The following KANK1 variants were observed in gnomAD, a reference collection of about 807,000 sequenced individuals.
KANK1 encodes KN motif and ankyrin repeat domain-containing protein 1.
KANK1 carries 109 observed loss-of-function variants against 106.2 expected under a neutral mutation model. The observed-to-expected ratio is 1.03, with a 90% CI of 0.88 to 1.20. The LOEUF is 1.20. KANK1 is among the 50% of genes most tolerant of loss of function. KANK1 has a pLI of 0.00. For missense variants in KANK1, 2,399 were observed against 1,710.7 expected (o/e 1.40, Z -7.10); for synonymous variants, 873 against 652.2 (o/e 1.34, Z -5.16).
intron 1 of KANK1, among the ~76,000 whole-genome samples, chr9:546,079 G>C (rs986240473): frequency 6.6e-6 from 1 of 152,130 alleles, no homozygotes; most frequent in African/African-American, 2.4e-5. Context: ...TAGAAAATGT[G>C]TGCCTTTCTG....
At chr9:625,750 T>C (rs573316463) in intron 1 of KANK1, among the ~76,000 whole-genome samples, 1 of 152,322 alleles carries the variant, frequency 6.6e-6, no homozygotes, top group South Asian at 2.1e-4. Context: ...TTGAGTCTCC[T>C]TGATCAAACA....
intron 8 of KANK1, 68 bp from the exon 9 acceptor site, chr9:740,723 TG>T: frequency 6.5e-7 from 1 of 1,532,514 alleles, no homozygotes; most frequent in Non-Finnish European, 8.8e-7. Flanking sequence ...ATCCCTTCAG[TG>T]GCTTCGTAAG....
chr9:648,911 G>A (rs1013302641), intron 1 of KANK1, among the ~76,000 whole-genome samples: 9 of 152,166 alleles, frequency 5.9e-5, no homozygotes, highest in African/African-American at 1.2e-4. Flanking sequence ...GGAAAACAAT[G>A]TACTTGCATG....
At chr9:554,253 G>GT (rs1563760208) in intron 1 of KANK1, among the ~76,000 whole-genome samples, 2 of 152,158 alleles carry the variant, frequency 1.3e-5, no homozygotes, top group Admixed American at 1.3e-4. Flanking sequence ...AGCACCTGGC[G>GT]TAAGTTTCCA....
intron 2 of KANK1, chr9:707,040 C>CG: frequency 1.0e-6 from 1 of 985,424 alleles, no homozygotes; most frequent in South Asian, 4.7e-5. Flanking sequence ...CTGAGTGCGG[C>CG]GGGGGTGGTG....
chr9:578,645 A>C (rs533114205), intron 1 of KANK1, among the ~76,000 whole-genome samples: 26 of 152,320 alleles, frequency 1.7e-4, no homozygotes, highest in Middle Eastern at 6.8e-3. Flanking sequence ...TTAAAGCATC[A>C]GTGCAAGTTT....
At position 732,635 on chromosome 9, in the gene KANK1, T is replaced by TCCCTCCCTTGC. The variant is rs760961351; in HGVS notation, c.3245+26_3245+36dup. The TCCCTCCCTTGC allele has an allele frequency of 1.9e-6, 3 of 1,608,418 alleles. No homozygotes were observed. Among genetic ancestry groups the TCCCTCCCTTGC allele is most frequent in the Non-Finnish European group, 2.6e-6 (3 of 1,175,712 alleles). ...AGAGAGAGGTGTGGTACATTCCCCT[T>TCCCTCCCTTGC]CCCTCCCTTGCCCCTCCCACATTTA... On this transcript the variant is annotated intron_variant, in intron 6 of 11. Coordinates refer to ENST00000382297, the MANE Select transcript of KANK1 (RefSeq NM_015158.5).
At chr9:596,015 A>T (rs1041388870) in intron 1 of KANK1, among the ~76,000 whole-genome samples, 1 of 151,896 alleles carries the variant, frequency 6.6e-6, no homozygotes, top group African/African-American at 2.4e-5. Flanking sequence ...GATGAGACAC[A>T]AGTCTAAATA....
At chr9:532,618 C>G (rs1466787103) in intron 1 of KANK1, among the ~76,000 whole-genome samples, 1 of 152,078 alleles carries the variant, frequency 6.6e-6, no homozygotes, top group Non-Finnish European at 1.5e-5. Context: ...AGTTGATACT[C>G]AGAAGCTTAA....
chr9:560,260 C>T (rs192092165), intron 1 of KANK1, among the ~76,000 whole-genome samples: 6 of 152,298 alleles, frequency 3.9e-5, no homozygotes, highest in East Asian at 1.9e-4. Context: ...AAAAAAACTA[C>T]ATGTTTCATT....
chr9:650,880 G>A (rs1010335847), intron 1 of KANK1, among the ~76,000 whole-genome samples: 8 of 152,144 alleles, frequency 5.3e-5, no homozygotes, highest in Non-Finnish European at 1.2e-4. Flanking sequence ...GAAGTGGAGG[G>A]AAGGGCTGGA....
intron 1 of KANK1, among the ~76,000 whole-genome samples, chr9:563,952 T>C (rs1012284917): frequency 1.2e-4 from 19 of 152,174 alleles, no homozygotes; most frequent in African/African-American, 4.6e-4. Context: ...CTGTAACACA[T>C]TATGGCCTGT....
chr9:582,381 A>G (rs10123430), intron 1 of KANK1, among the ~76,000 whole-genome samples: 45,584 of 151,884 alleles, frequency 0.3, 7,285 homozygotes, highest in African/African-American at 0.39. Flanking sequence ...AGCATTTTCT[A>G]TAAATCTTCA....
At chr9:531,823 C>T (rs545096106) in intron 1 of KANK1, among the ~76,000 whole-genome samples, 26 of 152,128 alleles carry the variant, frequency 1.7e-4, no homozygotes, top group Non-Finnish European at 2.6e-4. Flanking sequence ...GCCCATATAT[C>T]GGGAAAAAAT....
rs186489746 is a variant in KANK1 at position 525,950 on chromosome 9, T to C, written c.-84+21196T>C. 3.6e-3 allele frequency among the ~76,000 whole-genome samples: 547 copies of C among 151,894 alleles called. 21 individuals are homozygous for C. The highest frequency in any genetic ancestry group is 0.013 in the African/African-American group (526 of 41,172). On this transcript the variant is annotated intron_variant, in intron 1 of 11. Transcript: ENST00000382297. Reference sequence around the variant, plus strand: ...AAATTTCTAAAATAAAGGATCAGTTTGTTTCTGAAATTTGGTTACCTGAAG... The same window carrying C: ...AAATTTCTAAAATAAAGGATCAGTTCGTTTCTGAAATTTGGTTACCTGAAG...
chr9:526,579 A>C (rs1177413666), intron 1 of KANK1, among the ~76,000 whole-genome samples: 1 of 151,798 alleles, frequency 6.6e-6, no homozygotes, highest in Non-Finnish European at 1.5e-5. Flanking sequence ...AAAATTATTT[A>C]AATGAAATTT....
intron 11 of KANK1, chr9:744,889 C>T (rs368415380): frequency 7.8e-6 from 11 of 1,411,676 alleles, no homozygotes; most frequent in East Asian, 5.2e-5. Flanking sequence ...GGGGATATTT[C>T]GCCATGGTTC....
At chr9:531,584 GGGAC>G in intron 1 of KANK1, among the ~76,000 whole-genome samples, 1 of 152,202 alleles carries the variant, frequency 6.6e-6, no homozygotes, top group South Asian at 2.1e-4. Context: ...TTTGATTGTG[GGGAC>G]TCTGTCATTT....
At chr9:555,736 T>C (rs1323515982) in intron 1 of KANK1, among the ~76,000 whole-genome samples, 2 of 152,234 alleles carry the variant, frequency 1.3e-5, no homozygotes, top group Admixed American at 6.5e-5. Context: ...ATATGAAATA[T>C]TCAATTTGAC....
Sources: gnomAD v4.1 joint callset for allele counts (sites outside exome capture counted in the v4.1 genomes callset) on GRCh38, gnomAD v4.1.1 for gene constraint, MANE v1.5 for transcripts, NCBI Gene and HGNC (gene_info 2026-07-23, HGNC 2026-07-21) for gene names.